Variants in CPA6 observed in about 807,000 individuals in gnomAD.
The protein encoded by CPA6 is carboxypeptidase B.
CPA6 carries 58 observed loss-of-function variants against 63.3 expected under a neutral mutation model. That is an observed-to-expected ratio of 0.92 (90% CI 0.74 to 1.14). The LOEUF is 1.14. Among genes scored for constraint, CPA6 ranks in the 50% most tolerant of loss-of-function variants. CPA6 has a pLI of 0.00. For missense variants in CPA6, 565 were observed against 526.6 expected, an observed-to-expected ratio of 1.07 and a Z score of -0.71; for synonymous variants, 185 against 179.0, an observed-to-expected ratio of 1.03 and a Z score of -0.27.
At chr8:67,611,820 C>A (rs189381033) in intron 2 of CPA6, among the ~76,000 whole-genome samples, 1 of 152,118 alleles carries the variant, frequency 6.6e-6, no homozygotes, top group Non-Finnish European at 1.5e-5. Flanking sequence ...AGCCTGCTGG[C>A]GGCACAGCAA....
intron 2 of CPA6, among the ~76,000 whole-genome samples, chr8:67,525,842 G>A (rs6997223): frequency 0.019 from 2,875 of 152,290 alleles, 83 homozygotes; most frequent in African/African-American, 0.063. Context: ...GAACATGAGT[G>A]TGAAATAATA....
At chr8:67,451,155 C>T (rs1424897569) in intron 8 of CPA6, among the ~76,000 whole-genome samples, 1 of 152,120 alleles carries the variant, frequency 6.6e-6, no homozygotes, top group Non-Finnish European at 1.5e-5. Context: ...TCCCTAACCC[C>T]TGGGCCATGA....
At chr8:67,712,503 A>C (rs2129000479) in intron 1 of CPA6, among the ~76,000 whole-genome samples, 1 of 152,218 alleles carries the variant, frequency 6.6e-6, no homozygotes, top group South Asian at 2.1e-4. Context: ...CAGCAAGATA[A>C]AGATCCACCA....
At chr8:67,607,549 G>A (rs939054819) in intron 2 of CPA6, among the ~76,000 whole-genome samples, 3 of 151,926 alleles carry the variant, frequency 2.0e-5, no homozygotes, top group East Asian at 3.9e-4. Context: ...ATTTCTGCTT[G>A]TAAACCTGTC....
chr8:67,496,442 A>G lies in CPA6; in HGVS notation c.636+10345T>C, dbSNP rs570138887. ...TGGGATATAATTCACACACCTTACAATTCATCCTTTTATAGTGTGCAATTT... is the reference window on the plus strand; with the variant it reads ...TGGGATATAATTCACACACCTTACAGTTCATCCTTTTATAGTGTGCAATTT... On this transcript the variant is annotated intron_variant, in intron 6 of 10. Transcript: ENST00000297770. Among the ~76,000 whole-genome samples the G allele has an allele frequency of 1.7e-4, 25 of 147,506 alleles. No individual in the cohort carries two copies. The South Asian group carries it at 4.9e-3, about 29-fold the overall frequency.
chr8:67,428,578 G>C (rs1000724441), intron 9 of CPA6, among the ~76,000 whole-genome samples: 33 of 152,262 alleles, frequency 2.2e-4, no homozygotes, highest in African/African-American at 7.7e-4. Flanking sequence ...CCACCTCCTG[G>C]GTTCAAGCGA....
At chr8:67,538,105 T>C (rs1233966188) in intron 2 of CPA6, among the ~76,000 whole-genome samples, 1 of 152,188 alleles carries the variant, frequency 6.6e-6, no homozygotes, top group African/African-American at 2.4e-5. Context: ...TTACTTCCAA[T>C]TATGTGGTCA....
chr8:67,554,026 T>A (rs576126712), intron 2 of CPA6, among the ~76,000 whole-genome samples: 46 of 152,264 alleles, frequency 3.0e-4, no homozygotes, highest in African/African-American at 1.1e-3. Flanking sequence ...TATTGTGGTA[T>A]AATGAAAAAT....
At chr8:67,597,487 C>T (rs756445813) in intron 2 of CPA6, among the ~76,000 whole-genome samples, 4 of 152,138 alleles carry the variant, frequency 2.6e-5, no homozygotes, top group African/African-American at 9.7e-5. Context: ...AGCCACTGCG[C>T]CTGGCCCCTC....
chr8:67,592,593 A>G (rs1814162725), intron 2 of CPA6, among the ~76,000 whole-genome samples: 1 of 151,654 alleles, frequency 6.6e-6, no homozygotes, highest in South Asian at 2.1e-4. Context: ...CAGAGATTCA[A>G]CTTCTTCCTG....
intron 1 of CPA6, among the ~76,000 whole-genome samples, chr8:67,661,746 G>C (rs1020478390): frequency 6.6e-6 from 1 of 152,178 alleles, no homozygotes; most frequent in African/African-American, 2.4e-5. Flanking sequence ...GGGATAGAGA[G>C]AATAAACAAT....
intron 10 of CPA6, 73 bp from the exon 11 acceptor site, chr8:67,422,764 A>C: frequency 9.1e-7 from 1 of 1,100,192 alleles, no homozygotes; most frequent in South Asian, 1.7e-5. Context: ...TGTATATACT[A>C]TAAAGTATCC....
intron 1 of CPA6, among the ~76,000 whole-genome samples, chr8:67,706,840 TTGG>T (rs1245620583): frequency 6.6e-6 from 1 of 152,192 alleles, no homozygotes; most frequent in African/African-American, 2.4e-5. Context: ...TTATTAAGAA[TTGG>T]GTCTGACATC....
At chr8:67,518,991 T>G (rs1047607562) in intron 2 of CPA6, among the ~76,000 whole-genome samples, 1 of 152,210 alleles carries the variant, frequency 6.6e-6, no homozygotes, top group African/African-American at 2.4e-5. Context: ...AGCTTCCTCT[T>G]GCCAGAATGT....
chr8:67,533,291 A>G (rs1022500126), intron 2 of CPA6, among the ~76,000 whole-genome samples: 1 of 152,224 alleles, frequency 6.6e-6, no homozygotes, highest in Non-Finnish European at 1.5e-5. Context: ...GGATGATTGC[A>G]CACACTCAGA....
intron 2 of CPA6, among the ~76,000 whole-genome samples, chr8:67,592,879 T>C (rs1180780393): frequency 1.3e-5 from 2 of 152,128 alleles, no homozygotes; most frequent in Non-Finnish European, 2.9e-5. Flanking sequence ...TGTGTCTCTA[T>C]TTCCTTCATT....
At chr8:67,473,199 T>C (rs1449326673) in intron 8 of CPA6, among the ~76,000 whole-genome samples, 1 of 152,236 alleles carries the variant, frequency 6.6e-6, no homozygotes, top group Non-Finnish European at 1.5e-5. Flanking sequence ...AAACAAAAGA[T>C]TTCCAGTTAG....
At chr8:67,697,184 G>T (rs1342163220) in intron 1 of CPA6, among the ~76,000 whole-genome samples, 1 of 152,182 alleles carries the variant, frequency 6.6e-6, no homozygotes, top group African/African-American at 2.4e-5. Flanking sequence ...GGGACCCTGG[G>T]AACACCACGA....
At chr8:67,616,879 A>G (rs1814968242) in intron 2 of CPA6, among the ~76,000 whole-genome samples, 1 of 152,156 alleles carries the variant, frequency 6.6e-6, no homozygotes, top group African/African-American at 2.4e-5. Context: ...ACCACTAGAC[A>G]TGCAAAGGAG....
Sources: gnomAD v4.1 joint callset for allele counts (sites outside exome capture counted in the v4.1 genomes callset) on GRCh38, gnomAD v4.1.1 for gene constraint, MANE v1.5 for transcripts, NCBI Gene and HGNC (gene_info 2026-07-23, HGNC 2026-07-21) for gene names.